Variants in SEMA3A observed in about 807,000 individuals in gnomAD.
The protein encoded by SEMA3A is semaphorin-3A.
A neutral mutation model predicts 97.9 loss-of-function variants in SEMA3A; 29 were observed. That is an observed-to-expected ratio of 0.30 (90% CI 0.22 to 0.40). SEMA3A has a LOEUF of 0.40. SEMA3A is among the 10% of genes least tolerant of loss of function. The pLI, the probability that SEMA3A is intolerant of heterozygous loss-of-function variation, is 1.00. For synonymous variants in SEMA3A, 321 were observed against 323.7 expected, an observed-to-expected ratio of 0.99 and a Z score of 0.09; for missense variants, 763 against 951.3, an observed-to-expected ratio of 0.80 and a Z score of 2.60.
chr7:84,386,306 C>A (rs1228882), intron 1 of SEMA3A, among the ~76,000 whole-genome samples: 27,023 of 152,088 alleles, frequency 0.18, 2,534 homozygotes, highest in Middle Eastern at 0.22. Context: ...CCTCTTTGGG[C>A]ACTGTTTTTG....
intron 3 of SEMA3A, among the ~76,000 whole-genome samples, chr7:84,222,804 C>T (rs1039650711): frequency 4.6e-5 from 7 of 151,774 alleles, no homozygotes; most frequent in African/African-American, 1.2e-4. Flanking sequence ...CCAAGCTGTT[C>T]AAGGGCAACG....
chr7:84,468,484 T>A (rs1806062383), intron 1 of SEMA3A, among the ~76,000 whole-genome samples: 1 of 152,136 alleles, frequency 6.6e-6, no homozygotes, highest in African/African-American at 2.4e-5. Context: ...GTTTTGATCT[T>A]TTTTTTAAAT....
intron 2 of SEMA3A, among the ~76,000 whole-genome samples, chr7:84,313,354 GTGTATATATATATATA>G (rs1471621444): frequency 0.044 from 1,629 of 36,798 alleles, 62 homozygotes; most frequent in South Asian, 0.1. Context: ...ATATGTGTGT[GTGTATATATATATATA>G]TATATATATA....
chr7:84,053,989 T>C (rs1198471900), intron 5 of SEMA3A, among the ~76,000 whole-genome samples: 1 of 151,588 alleles, frequency 6.6e-6, no homozygotes, highest in African/African-American at 2.4e-5. Context: ...TTTGGATGGA[T>C]ATGAAATTCT....
At chr7:84,150,478 C>T (rs930376746) in intron 1 of SEMA3A, among the ~76,000 whole-genome samples, 13 of 152,192 alleles carry the variant, frequency 8.5e-5, no homozygotes, top group Admixed American at 3.9e-4. Flanking sequence ...AAAGGGGTGA[C>T]GGACGGCACC....
At chr7:84,015,873 T>A (rs1250217790) in intron 6 of SEMA3A, among the ~76,000 whole-genome samples, 1 of 152,168 alleles carries the variant, frequency 6.6e-6, no homozygotes, top group Non-Finnish European at 1.5e-5. Context: ...ACATGAAACA[T>A]GAAATATTAC....
intron 6 of SEMA3A, among the ~76,000 whole-genome samples, chr7:84,024,008 T>C (rs1450248786): frequency 3.1e-5 from 3 of 95,986 alleles, no homozygotes; most frequent in African/African-American, 4.4e-5. Context: ...CGAGACTCCG[T>C]CTCAAAAAAA....
intron 1 of SEMA3A, among the ~76,000 whole-genome samples, chr7:84,163,840 C>A (rs986783801): frequency 6.3e-5 from 9 of 143,422 alleles, no homozygotes; most frequent in African/African-American, 1.1e-4. Flanking sequence ...TCACACAGTA[C>A]TATTTTTTTT....
intron 3 of SEMA3A, among the ~76,000 whole-genome samples, chr7:84,209,595 T>C (rs564847531): frequency 3.3e-4 from 51 of 152,286 alleles, no homozygotes; most frequent in African/African-American, 1.1e-3. Context: ...TTCAAAACCA[T>C]AGTATAAAAT....
intron 1 of SEMA3A, among the ~76,000 whole-genome samples, chr7:84,406,233 C>A (rs1762400911): frequency 6.6e-6 from 1 of 152,102 alleles, no homozygotes. Flanking sequence ...ACCGATCCCA[C>A]AGAAATACAA....
Position 84,421,963 on chromosome 7 carries a change from T to C in SEMA3A, c.-245-50063A>G, listed in dbSNP as rs181633652. ...TTTGCATCAATGTTCTTCAGGGATA[T>C]TGGCCTGACATTTTCTTTTTTTGTT... is the stretch of plus-strand genomic sequence containing the variant. On this transcript the variant is annotated intron_variant, in intron 1 of 3. Transcript: ENST00000424555. Among the ~76,000 whole-genome samples, 36 of 152,256 alleles carry C rather than the reference T, an allele frequency of 2.4e-4. 1 individual carries two copies. The East Asian group carries it at 6.2e-3, about 26-fold the overall frequency.
chr7:84,399,042 G>A (rs916046794), intron 1 of SEMA3A, among the ~76,000 whole-genome samples: 1 of 152,084 alleles, frequency 6.6e-6, no homozygotes, highest in African/African-American at 2.4e-5. Context: ...AATAGGATTG[G>A]AAGAACAGTC....
At chr7:84,294,955 T>C (rs983650507) in intron 3 of SEMA3A, among the ~76,000 whole-genome samples, 3 of 152,100 alleles carry the variant, frequency 2.0e-5, no homozygotes, top group Non-Finnish European at 4.4e-5. Flanking sequence ...CAGTGGAGAA[T>C]GCTGGGGGCC....
intron 1 of SEMA3A, among the ~76,000 whole-genome samples, chr7:84,389,055 A>G (rs1262225506): frequency 2.6e-5 from 4 of 152,062 alleles, no homozygotes; most frequent in African/African-American, 7.2e-5. Context: ...TGAGGGGGAA[A>G]ATAAGTAAAA....
Position 84,134,970 on chromosome 7 carries a change from A to T in SEMA3A, c.113-19T>A, listed in dbSNP as rs554352215. On this transcript the variant is annotated intron_variant, in intron 1 of 16. Coordinates refer to ENST00000265362, the MANE Select transcript of SEMA3A (RefSeq NM_006080.3). ...AACATTTCTGCAAGGTAACAAAGCA[A>T]AACATTGGGTATTAATGTGAAGCAC... 5 of 1,609,836 alleles carry T rather than the reference A, an allele frequency of 3.1e-6. No homozygotes were observed. In the African/African-American group the frequency reaches 6.7e-5, roughly 21 times the overall value.
chr7:84,291,340 ACC>A (rs1800740410), intron 3 of SEMA3A, among the ~76,000 whole-genome samples: 1 of 152,108 alleles, frequency 6.6e-6, no homozygotes, highest in Non-Finnish European at 1.5e-5. Flanking sequence ...AATATATTTT[ACC>A]CATTATTCCA....
At chr7:84,333,996 T>G (rs1426372293) in intron 2 of SEMA3A, among the ~76,000 whole-genome samples, 1 of 152,136 alleles carries the variant, frequency 6.6e-6, no homozygotes, top group Non-Finnish European at 1.5e-5. Context: ...CCAAATGTAC[T>G]GAAAAGTAAT....
chr7:84,358,829 G>C, intron 2 of SEMA3A, among the ~76,000 whole-genome samples: 1 of 152,122 alleles, frequency 6.6e-6, no homozygotes, highest in Admixed American at 6.5e-5. Flanking sequence ...GTGGTTTGTA[G>C]TTCTCCTTGA....
intron 2 of SEMA3A, among the ~76,000 whole-genome samples, chr7:84,327,797 T>C (rs1299382572): frequency 2.0e-5 from 3 of 151,986 alleles, no homozygotes; most frequent in Non-Finnish European, 4.4e-5. Context: ...ATGCAAATGA[T>C]GCAAGCTTCA....
Sources: gnomAD v4.1 joint callset for allele counts (sites outside exome capture counted in the v4.1 genomes callset) on GRCh38, gnomAD v4.1.1 for gene constraint, MANE v1.5 for transcripts, NCBI Gene and HGNC (gene_info 2026-07-23, HGNC 2026-07-21) for gene names.